The following POLR3A variants were observed in gnomAD, a reference collection of about 807,000 sequenced individuals.
The protein encoded by POLR3A is DNA-directed RNA polymerase III subunit RPC1.
Under a neutral mutation model 152.8 loss-of-function variants are expected in POLR3A, and 112 were observed. The observed-to-expected ratio is 0.73, with a 90% CI of 0.63 to 0.86. The LOEUF is 0.86. Among genes scored for constraint, POLR3A ranks in the 40% least tolerant of loss-of-function variants. POLR3A has a pLI of 0.00. For missense variants in POLR3A, 1,385 were observed against 1,743.1 expected, an observed-to-expected ratio of 0.79 and a Z score of 3.66; for synonymous variants, 615 against 652.1, an observed-to-expected ratio of 0.94 and a Z score of 0.87.
chr10:78,015,929 A>G (rs1396487863), intron 10 of POLR3A, among the ~76,000 whole-genome samples: 1 of 152,182 alleles, frequency 6.6e-6, no homozygotes, highest in Non-Finnish European at 1.5e-5. Flanking sequence ...TCCCATAATC[A>G]CAAACTACTT....
At chr10:77,983,596 G>C (rs1047108558) in intron 26 of POLR3A, among the ~76,000 whole-genome samples, 2 of 152,192 alleles carry the variant, frequency 1.3e-5, no homozygotes, top group African/African-American at 4.8e-5. Flanking sequence ...AGATGAGTAA[G>C]ACACAGCCAG....
chr10:78,005,428 C>T (rs1847401619), intron 15 of POLR3A, among the ~76,000 whole-genome samples: 1 of 152,230 alleles, frequency 6.6e-6, no homozygotes, highest in African/African-American at 2.4e-5. Context: ...GCCTGGGCAA[C>T]AGAGCAAGAC....
At chr10:78,000,640 G>A (rs1337662179) in intron 18 of POLR3A, among the ~76,000 whole-genome samples, 2 of 152,124 alleles carry the variant, frequency 1.3e-5, no homozygotes, top group Admixed American at 6.5e-5. Context: ...GCCTTACATG[G>A]GTAAATTATA....
chr10:78,011,198 T>C (rs1847463483), intron 11 of POLR3A, among the ~76,000 whole-genome samples: 2 of 152,172 alleles, frequency 1.3e-5, no homozygotes, highest in African/African-American at 4.8e-5. Flanking sequence ...TTTCTGTGAA[T>C]GATGAGGAGC....
At chr10:78,013,172 T>A (rs1475801019) in intron 11 of POLR3A, 1 of 239,412 alleles carries the variant, frequency 4.2e-6, no homozygotes, top group Non-Finnish European at 8.2e-6. Context: ...TAATACTGCA[T>A]CCTCTAAGAA....
intron 1 of POLR3A, among the ~76,000 whole-genome samples, chr10:78,027,483 C>A (rs1306967409): frequency 6.6e-6 from 1 of 151,904 alleles, no homozygotes; most frequent in Non-Finnish European, 1.5e-5. Context: ...CATGGTGAAA[C>A]CCTGTCTCTA....
intron 1 of POLR3A, 131 bp from the exon 2 acceptor site, chr10:78,026,360 A>G: frequency 2.3e-6 from 2 of 863,238 alleles, no homozygotes; most frequent in Non-Finnish European, 3.8e-6. Context: ...AGTATTAAAT[A>G]TATTTAACCC....
Position 78,004,826 on chromosome 10 carries a change from T to C in POLR3A, c.2137A>G (p.Lys713Glu). The change falls in exon 16 of 31, where the codon AAG (lysine) becomes GAG (glutamate). Residue 713 changes from lysine to glutamate, a missense_variant. By Grantham distance (56) the Lys-to-Glu change is moderately conservative. Transcript: ENST00000372371. Reference sequence around the variant, plus strand: ...TAGCCGGCATTCAGCAACTCATACTTGGCCTTCAGCAGTCCTTGGCCAGGT... The same window carrying C: ...TAGCCGGCATTCAGCAACTCATACTCGGCCTTCAGCAGTCCTTGGCCAGGT... ...VTPGQGLLKA[K>E]YELLNAGYKK... is the part of the protein sequence containing the mutation. 2 of 1,614,110 alleles carry C rather than the reference T, an allele frequency of 1.2e-6. No individual in the cohort carries two copies. The highest frequency in any genetic ancestry group is 1.7e-6 in the Non-Finnish European group (2 of 1,179,944).
rs940324845 is a variant in POLR3A at position 78,024,700 on chromosome 10, G to A, written c.494C>T (p.Thr165Ile). Reference protein sequence around the residue: ...ICHHCGAFNGTVKKCGLLKII... With the variant: ...ICHHCGAFNGIVKKCGLLKII... ...TTTCAGCAGTCCACACTTCTTTACG[G>A]TACCTATAAGGGTTAGTTTATTTAC... Residue 165 changes from threonine (T) to isoleucine (I), a missense_variant, in exon 5 of 31, where the codon ACC (threonine) becomes ATC (isoleucine). Thr to Ile is a moderately conservative substitution (Grantham distance 89). This residue lies in a region of POLR3A where 493 missense variants were observed against 647.5 expected (regional missense o/e 0.76). Transcript: ENST00000372371. 6.2e-7 allele frequency: 1 copy of A among 1,612,142 alleles called. No homozygotes were observed. Among genetic ancestry groups the A allele is most frequent in the Non-Finnish European group, 8.5e-7 (1 of 1,178,420 alleles).
intron 23 of POLR3A, among the ~76,000 whole-genome samples, 193 bp from the exon 24 acceptor site, chr10:77,985,533 C>G (rs1445917828): frequency 1.3e-5 from 2 of 152,202 alleles, no homozygotes; most frequent in Non-Finnish European, 2.9e-5. Flanking sequence ...AAGTAAAGGT[C>G]AGAGAGGGGG....
At chr10:78,016,994 CTT>C (rs2131954962) in intron 10 of POLR3A, among the ~76,000 whole-genome samples, 1 of 152,040 alleles carries the variant, frequency 6.6e-6, no homozygotes, top group African/African-American at 2.4e-5. Context: ...TAAATCCTCT[CTT>C]AGTGTTTTGT....
intron 20 of POLR3A, among the ~76,000 whole-genome samples, chr10:77,991,679 C>T (rs544278628): frequency 4.9e-4 from 75 of 152,226 alleles, no homozygotes; most frequent in Non-Finnish European, 9.7e-4. Context: ...TGCGCCACCA[C>T]GTACGATTAA....
At chr10:78,006,466 T>A (rs1045063080) in intron 15 of POLR3A, among the ~76,000 whole-genome samples, 1 of 148,966 alleles carries the variant, frequency 6.7e-6, no homozygotes, top group Non-Finnish European at 1.5e-5. Context: ...AAAAATAGTA[T>A]TGGAAATTAA....
chr10:77,988,585 T>C (rs1454520041), intron 21 of POLR3A, among the ~76,000 whole-genome samples: 1 of 152,194 alleles, frequency 6.6e-6, no homozygotes, highest in East Asian at 1.9e-4. Context: ...TGATTCCTTG[T>C]TATTAATGAT....
At chr10:77,986,578 G>A (rs1847200532) in intron 21 of POLR3A, among the ~76,000 whole-genome samples, 1 of 152,170 alleles carries the variant, frequency 6.6e-6, no homozygotes. Context: ...AAGGTATTAT[G>A]CTCAGTTTAA....
Position 77,985,212 on chromosome 10 carries a change from AC to A in POLR3A, c.3199del (p.Val1067CysfsTer23). ...GVASMNITLG[V>X]PRIKEIINAS... ...GTTGATGATCTCTTTAATCCGGGGCACGCCCAGGGTGATGTTCATGGAGGCC... is the reference window on the plus strand; with the variant it reads ...GTTGATGATCTCTTTAATCCGGGGCAGCCCAGGGTGATGTTCATGGAGGCC... On this transcript the variant is annotated frameshift_variant, in exon 24 of 31. Transcript: ENST00000372371. LOFTEE classifies it high-confidence loss of function. 1 of 1,614,134 alleles carries A rather than the reference AC, an allele frequency of 6.2e-7. No homozygotes were observed. Among genetic ancestry groups the A allele is most frequent in the Non-Finnish European group, 8.5e-7 (1 of 1,179,954 alleles).
At chr10:78,013,346 T>C in intron 11 of POLR3A, 1 of 398,430 alleles carries the variant, frequency 2.5e-6, no homozygotes, top group South Asian at 2.5e-5. Context: ...TCTTACCTTG[T>C]CATAACTGGC....
chr10:78,028,599 G>T (rs374381305), intron 1 of POLR3A, among the ~76,000 whole-genome samples: 1 of 151,938 alleles, frequency 6.6e-6, no homozygotes, highest in African/African-American at 2.4e-5. Flanking sequence ...TGCCTCCCAG[G>T]CTCAAGTGAT....
intron 19 of POLR3A, among the ~76,000 whole-genome samples, chr10:77,994,336 C>T (rs1847277689): frequency 6.6e-6 from 1 of 152,086 alleles, no homozygotes; most frequent in Admixed American, 6.5e-5. Flanking sequence ...TGTTCTGGCC[C>T]ACTCATTCAC....
Sources: gnomAD v4.1 joint callset for allele counts (sites outside exome capture counted in the v4.1 genomes callset) on GRCh38, gnomAD v4.1.1 for gene constraint, gnomAD v4.1.1 regional missense constraint, MANE v1.5 for transcripts, NCBI Gene and HGNC (gene_info 2026-07-23, HGNC 2026-07-21) for gene names.